The following BNC2 variants were observed in gnomAD, a reference collection of about 807,000 sequenced individuals.
BNC2 encodes the protein basonuclin zinc finger protein 2, also known as zinc finger protein basonuclin-2.
A neutral mutation model predicts 76.3 loss-of-function variants in BNC2; 20 were observed. That is an observed-to-expected ratio of 0.26 (90% CI 0.18 to 0.38). BNC2 has a LOEUF of 0.38. BNC2 is among the 10% of genes least tolerant of loss of function. The pLI is 1.00. For synonymous variants in BNC2, 582 were observed against 514.8 expected (o/e 1.13, Z -1.77); for missense variants, 1,382 against 1,399.8 (o/e 0.99, Z 0.20).
At chr9:16,785,269 T>G (rs74908594) in intron 1 of BNC2, among the ~76,000 whole-genome samples, 2,119 of 152,270 alleles carry the variant, frequency 0.014, 52 homozygotes, top group African/African-American at 0.048. Flanking sequence ...GGCCTTCACC[T>G]CCTGTTTAAT....
chr9:16,692,805 C>T (rs943012908), intron 3 of BNC2, among the ~76,000 whole-genome samples: 4 of 152,014 alleles, frequency 2.6e-5, no homozygotes, highest in African/African-American at 9.7e-5. Flanking sequence ...CCGAAAAGAT[C>T]GCTGTCAGCT....
chr9:16,630,950 G>T (rs999656936), intron 3 of BNC2, among the ~76,000 whole-genome samples: 7 of 152,088 alleles, frequency 4.6e-5, no homozygotes, highest in South Asian at 2.1e-4. Context: ...CGTTGGTCAG[G>T]CTGGTCTCGA....
chr9:16,565,599 C>T lies in BNC2; in HGVS notation c.434-12834G>A, dbSNP rs113492052. On this transcript the variant is annotated intron_variant, in intron 4 of 6. Coordinates refer to ENST00000380672, the MANE Select transcript of BNC2 (RefSeq NM_017637.6). ...CTGAGGTGGGTGGGTCACTTGAGCT[C>T]GAGTTTGAGATCAGCCTAAGCAACA... is the stretch of plus-strand genomic sequence containing the variant. 5.9e-5 allele frequency among the ~76,000 whole-genome samples: 9 copies of T among 151,932 alleles called. 1 individual carries two copies. The highest frequency in any genetic ancestry group is 1.9e-4 in the African/African-American group (8 of 41,448).
intron 5 of BNC2, among the ~76,000 whole-genome samples, chr9:16,528,361 CA>C (rs1462772343): frequency 6.6e-6 from 1 of 152,022 alleles, no homozygotes; most frequent in African/African-American, 2.4e-5. Context: ...AACGAAAATA[CA>C]AAAACTTGTT....
intron 4 of BNC2, among the ~76,000 whole-genome samples, chr9:16,558,279 C>T (rs953449018): frequency 1.3e-5 from 2 of 152,208 alleles, no homozygotes; most frequent in South Asian, 4.1e-4. Flanking sequence ...CAATTGAATC[C>T]AGGAACTTAC....
intron 3 of BNC2, among the ~76,000 whole-genome samples, chr9:16,714,062 C>A (rs1440796477): frequency 6.6e-6 from 1 of 152,192 alleles, no homozygotes; most frequent in African/African-American, 2.4e-5. Context: ...GCCTGGGCCA[C>A]AGAACCACAC....
chr9:16,556,571 C>T (rs989419744), intron 4 of BNC2, among the ~76,000 whole-genome samples: 46 of 151,904 alleles, frequency 3.0e-4, no homozygotes, highest in African/African-American at 1.1e-3. Context: ...AGATCAAGAC[C>T]ATTCTGGCCA....
chr9:16,836,027 T>C (rs1248808440), intron 1 of BNC2, among the ~76,000 whole-genome samples: 2 of 152,164 alleles, frequency 1.3e-5, no homozygotes, highest in African/African-American at 4.8e-5. Context: ...TACATAATTA[T>C]TTTCATCTGG....
At chr9:16,674,452 T>C (rs553687638) in intron 3 of BNC2, among the ~76,000 whole-genome samples, 1 of 152,088 alleles carries the variant, frequency 6.6e-6, no homozygotes, top group African/African-American at 2.4e-5. Flanking sequence ...TCTAAAGGAG[T>C]ATCCTGGTGT....
chr9:16,580,570 T>C (rs1348877967), intron 4 of BNC2, among the ~76,000 whole-genome samples: 1 of 152,168 alleles, frequency 6.6e-6, no homozygotes. Flanking sequence ...ATTTATGTTG[T>C]TCAAGAAGGA....
chr9:16,749,283 T>C (rs1825109662), intron 1 of BNC2, among the ~76,000 whole-genome samples: 1 of 152,124 alleles, frequency 6.6e-6, no homozygotes, highest in Non-Finnish European at 1.5e-5. Flanking sequence ...AGTCTACAAA[T>C]CAGTACACGT....
intron 1 of BNC2, among the ~76,000 whole-genome samples, chr9:16,827,634 C>T (rs756836222): frequency 2.0e-5 from 3 of 151,924 alleles, no homozygotes; most frequent in Non-Finnish European, 4.4e-5. Context: ...AAATGGGGTG[C>T]GTGCAAAGGA....
At chr9:16,439,786 T>A (rs1351716888) in intron 5 of BNC2, among the ~76,000 whole-genome samples, 1 of 152,186 alleles carries the variant, frequency 6.6e-6, no homozygotes, top group Non-Finnish European at 1.5e-5. Flanking sequence ...CATCCTACCA[T>A]TTTACATAAA....
intron 1 of BNC2, among the ~76,000 whole-genome samples, chr9:16,811,809 G>A (rs1047294131): frequency 2.0e-5 from 3 of 152,120 alleles, no homozygotes; most frequent in Non-Finnish European, 2.9e-5. Flanking sequence ...TAGTGAAGGG[G>A]GCAAAGCAGT....
At chr9:16,782,757 ACT>A (rs1406487279) in intron 1 of BNC2, among the ~76,000 whole-genome samples, 2 of 151,974 alleles carry the variant, frequency 1.3e-5, no homozygotes, top group East Asian at 1.9e-4. Context: ...CCCCTACCAG[ACT>A]CTAAGATACT....
At chr9:16,866,596 A>G (rs1819549244) in intron 1 of BNC2, among the ~76,000 whole-genome samples, 1 of 151,682 alleles carries the variant, frequency 6.6e-6, no homozygotes, top group Admixed American at 6.6e-5. Context: ...CTGAAAGGCA[A>G]AAGCCTAGAA....
Position 16,468,067 on chromosome 9 carries a change from G to T in BNC2, c.670-30543C>A, listed in dbSNP as rs1172868191. Among the ~76,000 whole-genome samples the T allele has an allele frequency of 1.4e-5, 2 of 141,938 alleles. 1 individual carries two copies. The highest frequency in any genetic ancestry group is 3.0e-5 in the Non-Finnish European group (2 of 66,466). 93.1% of individuals were successfully genotyped at this position (141,938 alleles called of 152,430 possible). A position where few individuals can be genotyped will look rare whatever the true frequency, so the allele number is the denominator to read the frequency against. On this transcript the variant is annotated intron_variant, in intron 5 of 6. Transcript: ENST00000380672. ...TTTTTTTTTTTTTTTTTTGAGACAG[G>T]TTCTCACCTGTCACCCAGGCTGGAG...
At chr9:16,595,317 T>A (rs1820036187) in intron 3 of BNC2, among the ~76,000 whole-genome samples, 1 of 152,146 alleles carries the variant, frequency 6.6e-6, no homozygotes, top group African/African-American at 2.4e-5. Flanking sequence ...TAAAAGCAGG[T>A]ATCAGCAAAG....
chr9:16,683,359 T>TA (rs1822880854), intron 3 of BNC2, among the ~76,000 whole-genome samples: 1 of 152,164 alleles, frequency 6.6e-6, no homozygotes, highest in South Asian at 2.1e-4. Flanking sequence ...GCTGTATGTC[T>TA]AAACAAAAAT....
Sources: allele counts gnomAD v4.1 joint callset (sites outside exome capture counted in the v4.1 genomes callset), GRCh38; gene constraint gnomAD v4.1.1; transcripts MANE v1.5; gene names NCBI Gene and HGNC (gene_info 2026-07-23, HGNC 2026-07-21).